Variants in NOS1AP observed in about 807,000 individuals in gnomAD.
The protein encoded by NOS1AP is carboxyl-terminal PDZ ligand of neuronal nitric oxide synthase protein.
NOS1AP carries 21 observed loss-of-function variants against 56.2 expected under a neutral mutation model. That is an observed-to-expected ratio of 0.37 (90% CI 0.26 to 0.54). The LOEUF is 0.54. Ranked by LOEUF, NOS1AP falls within the 20% of genes least tolerant of loss-of-function variation. The pLI, the probability that NOS1AP is intolerant of heterozygous loss-of-function variation, is 0.84. For missense variants in NOS1AP, 522 were observed against 657.8 expected, an observed-to-expected ratio of 0.79 and a Z score of 2.26; for synonymous variants, 270 against 274.6, an observed-to-expected ratio of 0.98 and a Z score of 0.17.
chr1:162,176,538 G>T (rs1314138582), intron 2 of NOS1AP, among the ~76,000 whole-genome samples: 2 of 106,296 alleles, frequency 1.9e-5, no homozygotes. Context: ...GAGATGGAGT[G>T]TTGCTCTGTT....
At chr1:162,206,184 A>C (rs1652157518) in intron 2 of NOS1AP, among the ~76,000 whole-genome samples, 1 of 152,204 alleles carries the variant, frequency 6.6e-6, no homozygotes, top group Non-Finnish European at 1.5e-5. Context: ...CTGAAATAGC[A>C]TAAAGGGATT....
chr1:162,248,185 C>T (rs1653734450), intron 2 of NOS1AP, among the ~76,000 whole-genome samples: 1 of 151,994 alleles, frequency 6.6e-6, no homozygotes, highest in South Asian at 2.1e-4. Context: ...AACTAACAAA[C>T]ACCATGGTGT....
At chr1:162,241,664 C>A (rs1571154293) in intron 2 of NOS1AP, among the ~76,000 whole-genome samples, 1 of 152,118 alleles carries the variant, frequency 6.6e-6, no homozygotes, top group Non-Finnish European at 1.5e-5. Flanking sequence ...TCTGCACTCC[C>A]CCTGACTGCA....
Position 162,321,285 on chromosome 1 carries a change from C to T in NOS1AP, c.345-11732C>T, listed in dbSNP as rs184213312. Among the ~76,000 whole-genome samples, 180 of 152,146 alleles carry T rather than the reference C, an allele frequency of 1.2e-3. 1 individual carries two copies. The highest frequency in any genetic ancestry group is 4.2e-3 in the African/African-American group (174 of 41,476). ...TGAGGGCTCTGTTCTGTTCCATTGGCGCTATTCACAATAGCAAAGACTTGG... is the reference window on the plus strand; with the variant it reads ...TGAGGGCTCTGTTCTGTTCCATTGGTGCTATTCACAATAGCAAAGACTTGG... On this transcript the variant is annotated intron_variant, in intron 4 of 9. Transcript: ENST00000361897.
At chr1:162,201,844 G>C (rs1652002794) in intron 2 of NOS1AP, among the ~76,000 whole-genome samples, 1 of 152,168 alleles carries the variant, frequency 6.6e-6, no homozygotes, top group African/African-American at 2.4e-5. Context: ...ATAGATGCTG[G>C]ATATTAGACC....
chr1:162,289,281 C>A (rs1655205755), intron 3 of NOS1AP, among the ~76,000 whole-genome samples: 1 of 28,354 alleles, frequency 3.5e-5, no homozygotes, highest in African/African-American at 1.2e-4. Flanking sequence ...TCCTTCCTTT[C>A]CTTCCTTCCT....
intron 4 of NOS1AP, among the ~76,000 whole-genome samples, chr1:162,322,572 A>C (rs1306123823): frequency 6.6e-6 from 1 of 152,164 alleles, no homozygotes. Flanking sequence ...CCTTGGAAAA[A>C]CAAGATGTGC....
rs534543713 is a variant in NOS1AP, at chr1:162,355,225, A to G, written c.634A>G (p.Thr212Ala). Reference sequence around the variant, plus strand: ...TGGAGCCGAGAGGGCCTCCACGGCCACTGCAGAGGAGACTGACATCGATGC... The same window carrying G: ...TGGAGCCGAGAGGGCCTCCACGGCCGCTGCAGAGGAGACTGACATCGATGC... ...LTGAERASTA[T>A]AEETDIDAVE... Residue 212 changes from threonine to alanine, a missense_variant, in exon 7 of 10, where the codon ACT (threonine) becomes GCT (alanine). Thr to Ala is a moderately conservative substitution (Grantham distance 58, BLOSUM62 0). Around this residue, in one of 4 missense-constraint regions of NOS1AP, gnomAD observed 178 missense variants for 165.0 expected, o/e 1.08. Transcript: ENST00000361897. 4.5e-5 allele frequency: 72 copies of G among 1,614,156 alleles called. 3 individuals carry two copies. In the South Asian group the frequency reaches 7.7e-4, roughly 17 times the overall value.
At chr1:162,127,789 A>T in intron 1 of NOS1AP, among the ~76,000 whole-genome samples, 1 of 152,170 alleles carries the variant, frequency 6.6e-6, no homozygotes, top group East Asian at 1.9e-4. Flanking sequence ...CATTCATGAG[A>T]AACCCATTCC....
At chr1:162,170,655 G>A (rs1313964788) in intron 2 of NOS1AP, among the ~76,000 whole-genome samples, 12 of 152,112 alleles carry the variant, frequency 7.9e-5, no homozygotes, top group Admixed American at 2.0e-4. Flanking sequence ...GGCCAGGCGC[G>A]GTGGCTCACG....
At chr1:162,352,332 T>C (rs1657537332) in intron 6 of NOS1AP, among the ~76,000 whole-genome samples, 1 of 151,952 alleles carries the variant, frequency 6.6e-6, no homozygotes, top group South Asian at 2.1e-4. Context: ...GTGCTGGAAT[T>C]ATAGGCGTGA....
chr1:162,150,267 C>A (rs1380850071), intron 1 of NOS1AP, among the ~76,000 whole-genome samples: 5 of 152,186 alleles, frequency 3.3e-5, no homozygotes, highest in African/African-American at 1.2e-4. Context: ...ATTTCACTAA[C>A]CTCCATTTTT....
At chr1:162,074,195 A>T (rs1344332649) in intron 1 of NOS1AP, among the ~76,000 whole-genome samples, 1 of 152,204 alleles carries the variant, frequency 6.6e-6, no homozygotes, top group Non-Finnish European at 1.5e-5. Context: ...TAATTTGTCC[A>T]GAGTTGCAAA....
At chr1:162,276,660 A>G (rs1167174454) in intron 2 of NOS1AP, among the ~76,000 whole-genome samples, 2 of 152,162 alleles carry the variant, frequency 1.3e-5, no homozygotes, top group African/African-American at 4.8e-5. Flanking sequence ...GCTGGGAACC[A>G]TGGTTCCACT....
chr1:162,183,860 ATAAG>A (rs1651343489), intron 2 of NOS1AP, among the ~76,000 whole-genome samples: 1 of 152,248 alleles, frequency 6.6e-6, no homozygotes, highest in African/African-American at 2.4e-5. Flanking sequence ...CATATCAGCC[ATAAG>A]GCTGCTTTGC....
intron 1 of NOS1AP, among the ~76,000 whole-genome samples, chr1:162,090,804 C>T (rs1451478729): frequency 6.6e-6 from 1 of 151,776 alleles, no homozygotes; most frequent in Admixed American, 6.6e-5. Context: ...TTATGTTGTT[C>T]TTTCATGCCT....
chr1:162,256,258 A>T (rs976942863), intron 2 of NOS1AP, among the ~76,000 whole-genome samples: 2 of 152,200 alleles, frequency 1.3e-5, no homozygotes, highest in African/African-American at 4.8e-5. Flanking sequence ...TACATCTGGC[A>T]TTATTACAGA....
chr1:162,332,435 G>T (rs1168567496), intron 4 of NOS1AP, among the ~76,000 whole-genome samples: 2 of 152,174 alleles, frequency 1.3e-5, no homozygotes, highest in Non-Finnish European at 2.9e-5. Flanking sequence ...GACCCTGGCT[G>T]CTGGGATAGT....
At chr1:162,175,635 G>A (rs2102138816) in intron 2 of NOS1AP, among the ~76,000 whole-genome samples, 1 of 152,252 alleles carries the variant, frequency 6.6e-6, no homozygotes, top group East Asian at 1.9e-4. Context: ...GGGGCGGTCG[G>A]TTAGTTGCTG....
Sources: gnomAD v4.1 joint callset for allele counts (sites outside exome capture counted in the v4.1 genomes callset) on GRCh38, gnomAD v4.1.1 for gene constraint, gnomAD v4.1.1 regional missense constraint, MANE v1.5 for transcripts, NCBI Gene and HGNC (gene_info 2026-07-23, HGNC 2026-07-21) for gene names.